The following EYA2 variants were observed in gnomAD, a reference collection of about 807,000 sequenced individuals.
EYA2 encodes the protein protein phosphatase EYA2.
In EYA2, 31 loss-of-function variants were observed where a neutral mutation model predicts 69.2. The observed-to-expected ratio is 0.45, with a 90% CI of 0.34 to 0.60. EYA2 has a LOEUF of 0.60. Ranked by LOEUF, EYA2 falls within the 20% of genes least tolerant of loss-of-function variation. The probability of loss-of-function intolerance (pLI) is 0.02; values close to 1 mark genes in which losing one functional copy is unlikely to be tolerated. For synonymous variants in EYA2, 257 were observed against 279.4 expected, an observed-to-expected ratio of 0.92 and a Z score of 0.80; for missense variants, 622 against 701.2, an observed-to-expected ratio of 0.89 and a Z score of 1.28.
intron 4 of EYA2, among the ~76,000 whole-genome samples, 182 bp downstream of exon 4, chr20:47,005,266 A>G (rs911462426): frequency 6.6e-6 from 1 of 152,232 alleles, no homozygotes; most frequent in Non-Finnish European, 1.5e-5. Context: ...TAATATCAAG[A>G]TCCCTTTTGA....
chr20:46,903,897 C>T (rs1600529147), intron 1 of EYA2, among the ~76,000 whole-genome samples: 1 of 152,280 alleles, frequency 6.6e-6, no homozygotes, highest in East Asian at 1.9e-4. Flanking sequence ...TGAGGCGATA[C>T]ATGGAAAACA....
intron 9 of EYA2, among the ~76,000 whole-genome samples, chr20:47,127,014 C>G (rs999550101): frequency 6.6e-6 from 1 of 152,106 alleles, no homozygotes; most frequent in Non-Finnish European, 1.5e-5. Context: ...TGCTCAAATG[C>G]TCACTCTAGA....
chr20:47,155,845 G>A (rs2033911550), intron 10 of EYA2, among the ~76,000 whole-genome samples: 1 of 151,084 alleles, frequency 6.6e-6, no homozygotes, highest in Non-Finnish European at 1.5e-5. Flanking sequence ...GAACTAGGAA[G>A]TGGAGAACAT....
At chr20:47,026,145 C>T (rs1178020662) in intron 5 of EYA2, among the ~76,000 whole-genome samples, 10 of 152,228 alleles carry the variant, frequency 6.6e-5, no homozygotes, top group Admixed American at 6.5e-4. Context: ...GAGACCCACA[C>T]ATTTAGTACG....
At chr20:47,120,527 C>T (rs946711150) in intron 9 of EYA2, among the ~76,000 whole-genome samples, 11 of 152,202 alleles carry the variant, frequency 7.2e-5, no homozygotes, top group African/African-American at 2.2e-4. Flanking sequence ...GTGCCCAATG[C>T]GGTGGGGAAG....
At chr20:46,973,392 T>C (rs553512544) in intron 1 of EYA2, among the ~76,000 whole-genome samples, 37 of 152,358 alleles carry the variant, frequency 2.4e-4, no homozygotes, top group Non-Finnish European at 4.7e-4. Context: ...GCAAATCTAC[T>C]GTGCAGACTT....
chr20:47,069,816 GTGTGTGTGTATATGTATA>G, intron 5 of EYA2, among the ~76,000 whole-genome samples: 1 of 151,190 alleles, frequency 6.6e-6, no homozygotes, highest in Non-Finnish European at 1.5e-5. Context: ...TGGAACAACT[GTGTGTGTGTATATGTATA>G]TATACACACA....
At chr20:46,990,604 G>A (rs1308660355) in intron 2 of EYA2, among the ~76,000 whole-genome samples, 1 of 152,232 alleles carries the variant, frequency 6.6e-6, no homozygotes, top group Non-Finnish European at 1.5e-5. Flanking sequence ...AATTAAAGTT[G>A]TTTAAAAAAC....
chr20:47,071,508 A>C (rs2146472035), intron 5 of EYA2, among the ~76,000 whole-genome samples: 1 of 151,660 alleles, frequency 6.6e-6, no homozygotes, highest in East Asian at 2.0e-4. Context: ...AAATGACCAA[A>C]CTCCGGGGCT....
intron 12 of EYA2, among the ~76,000 whole-genome samples, chr20:47,177,895 C>T (rs1340922533): frequency 2.6e-5 from 4 of 152,212 alleles, no homozygotes; most frequent in Non-Finnish European, 5.9e-5. Flanking sequence ...CCAAACACAT[C>T]GTCACACAGA....
At chr20:47,172,192 G>A (rs2034335347) in intron 11 of EYA2, among the ~76,000 whole-genome samples, 1 of 152,168 alleles carries the variant, frequency 6.6e-6, no homozygotes, top group South Asian at 2.1e-4. Context: ...CCAGCACTTT[G>A]GGAAGCCAAG....
chr20:47,024,333 C>T (rs1236174590), intron 5 of EYA2, among the ~76,000 whole-genome samples: 1 of 152,222 alleles, frequency 6.6e-6, no homozygotes, highest in Non-Finnish European at 1.5e-5. Context: ...TTTCCCACTA[C>T]TGAGGCAAAC....
intron 10 of EYA2, among the ~76,000 whole-genome samples, chr20:47,166,745 T>A (rs1385098834): frequency 6.6e-6 from 1 of 152,066 alleles, no homozygotes; most frequent in African/African-American, 2.4e-5. Flanking sequence ...AGCATCTCGC[T>A]TCTCCTCACC....
intron 8 of EYA2, among the ~76,000 whole-genome samples, chr20:47,094,986 T>C (rs562476829): frequency 6.6e-6 from 1 of 152,118 alleles, no homozygotes; most frequent in East Asian, 1.9e-4. Flanking sequence ...TGAGTGATGA[T>C]TACGCCACTG....
intron 1 of EYA2, among the ~76,000 whole-genome samples, chr20:46,925,938 A>G (rs190762391): frequency 2.0e-4 from 30 of 152,360 alleles, no homozygotes; most frequent in Admixed American, 7.2e-4. Flanking sequence ...AATTGGTCAC[A>G]TAACTTGGTA....
At chr20:47,124,452 T>C (rs2033127533) in intron 9 of EYA2, among the ~76,000 whole-genome samples, 1 of 152,222 alleles carries the variant, frequency 6.6e-6, no homozygotes, top group Non-Finnish European at 1.5e-5. Context: ...GGAAGTGTGC[T>C]GAAGTGTGAC....
At position 46,967,751 on chromosome 20, in the gene EYA2, G is replaced by A. The variant is rs1979878480; in HGVS notation, c.-10-22250G>A. On this transcript the variant is annotated intron_variant, in intron 1 of 15. Coordinates refer to ENST00000327619, the MANE Select transcript of EYA2 (RefSeq NM_005244.5). ...TGAAGCAGCTCACATGGCTCCTGGT[G>A]CACAGCAGTGCTGCACTCACAATGA... Among the ~76,000 whole-genome samples, 5 of 152,192 alleles carry A rather than the reference G, an allele frequency of 3.3e-5. No homozygotes were observed. The South Asian group carries it at 8.3e-4, about 25-fold the overall frequency.
intron 5 of EYA2, among the ~76,000 whole-genome samples, chr20:47,041,106 C>T (rs975854339): frequency 2.6e-5 from 4 of 152,136 alleles, no homozygotes; most frequent in African/African-American, 4.8e-5. Context: ...CCCCAGGTCC[C>T]TGCTCCTCCT....
At position 47,037,694 on chromosome 20, in the gene EYA2, C is replaced by A. The variant is rs534614279; in HGVS notation, c.415+21397C>A. On this transcript the variant is annotated intron_variant, in intron 5 of 15. Transcript: ENST00000327619. ...CTCAAGCCAGCTACAGTGGGTTGAT[C>A]TTCTGTAGTCCCATCTCTCTGACTC... Among the ~76,000 whole-genome samples, 43 of 152,268 alleles carry A rather than the reference C, an allele frequency of 2.8e-4. No homozygotes were observed. The South Asian group carries it at 8.5e-3, about 30-fold the overall frequency.
Sources: gnomAD v4.1 joint callset for allele counts (sites outside exome capture counted in the v4.1 genomes callset) on GRCh38, gnomAD v4.1.1 for gene constraint, MANE v1.5 for transcripts, NCBI Gene and HGNC (gene_info 2026-07-23, HGNC 2026-07-21) for gene names.